The following FSTL5 variants were observed in gnomAD, a reference collection of about 807,000 sequenced individuals.
FSTL5 encodes the protein follistatin like 5.
FSTL5 carries 62 observed loss-of-function variants against 89.1 expected under a neutral mutation model. That is an observed-to-expected ratio of 0.70 (90% CI 0.57 to 0.86). The LOEUF is 0.86. FSTL5 is among the 40% of genes least tolerant of loss of function. FSTL5 has a pLI of 0.00. For synonymous variants in FSTL5, 383 were observed against 346.2 expected, an observed-to-expected ratio of 1.11 and a Z score of -1.18; for missense variants, 1,057 against 1,001.6, an observed-to-expected ratio of 1.06 and a Z score of -0.75.
At chr4:161,536,153 G>C (rs991017907) in intron 10 of FSTL5, among the ~76,000 whole-genome samples, 4 of 152,026 alleles carry the variant, frequency 2.6e-5, no homozygotes, top group Non-Finnish European at 5.9e-5. Context: ...TCACTACCTG[G>C]ATGATGTGAT....
rs971334667 is a variant in FSTL5, at chr4:161,666,676, A to G, written c.728-10182T>C. ...AGAGAAGAAAAGAGAAGACCCCTAT[A>G]TGGGGAGAGAACAGTATGATAACAA... On this transcript the variant is annotated intron_variant, in intron 6 of 15. Transcript: ENST00000306100. 9.3e-4 allele frequency among the ~76,000 whole-genome samples: 142 copies of G among 152,216 alleles called. 1 individual carries two copies. Among genetic ancestry groups the G allele is most frequent in the African/African-American group, 3.3e-3 (136 of 41,566 alleles).
At chr4:162,081,261 A>C (rs565490428) in intron 2 of FSTL5, among the ~76,000 whole-genome samples, 1 of 151,802 alleles carries the variant, frequency 6.6e-6, no homozygotes, top group African/African-American at 2.4e-5. Context: ...AGTCCTCATT[A>C]GAATTGATCA....
chr4:161,560,018 T>C (rs1732535572), intron 8 of FSTL5, among the ~76,000 whole-genome samples: 1 of 150,760 alleles, frequency 6.6e-6, no homozygotes. Flanking sequence ...ATTTGTAAAC[T>C]TTCTTAAAAC....
chr4:161,759,490 ACAAT>A lies in FSTL5; in HGVS notation c.644_647del (p.Asp215ValfsTer7). On this transcript the variant is annotated frameshift_variant, in exon 6 of 16. Coordinates refer to ENST00000306100, the MANE Select transcript of FSTL5 (RefSeq NM_020116.5). LOFTEE classifies it high-confidence loss of function. Reference sequence around the variant, plus strand: ...CATATTTCAATAGAACATACAAAGTACAATCAAAGAGATCCTTGCCAAGTTCTTC... The same window carrying A: ...CATATTTCAATAGAACATACAAAGTACAAAGAGATCCTTGCCAAGTTCTTC... 2 of 1,586,180 alleles carry A rather than the reference ACAAT, an allele frequency of 1.3e-6. No homozygotes were observed. Among genetic ancestry groups the A allele is most frequent in the Non-Finnish European group, 1.7e-6 (2 of 1,165,576 alleles).
chr4:162,014,916 C>T (rs1393909192), intron 3 of FSTL5, among the ~76,000 whole-genome samples: 1 of 151,998 alleles, frequency 6.6e-6, no homozygotes, highest in Non-Finnish European at 1.5e-5. Context: ...TCCATTATTG[C>T]ATTAAAAACA....
chr4:161,922,929 T>G (rs1734030500), intron 3 of FSTL5, among the ~76,000 whole-genome samples: 2 of 152,056 alleles, frequency 1.3e-5, no homozygotes, highest in South Asian at 4.1e-4. Context: ...AGGAGTCCAT[T>G]AGTTTGAAGG....
At chr4:162,052,791 T>G (rs979821113) in intron 2 of FSTL5, among the ~76,000 whole-genome samples, 2 of 151,874 alleles carry the variant, frequency 1.3e-5, no homozygotes, top group African/African-American at 4.8e-5. Flanking sequence ...GTGAGTACAC[T>G]TAAAATCTAC....
intron 1 of FSTL5, among the ~76,000 whole-genome samples, chr4:162,152,120 G>A (rs947387197): frequency 1.1e-4 from 17 of 152,110 alleles, no homozygotes; most frequent in Non-Finnish European, 2.2e-4. Context: ...AAAGCCCTTC[G>A]ACTTTCTCAG....
At chr4:161,535,966 G>A (rs187529901) in intron 10 of FSTL5, among the ~76,000 whole-genome samples, 22 of 152,114 alleles carry the variant, frequency 1.4e-4, no homozygotes, top group African/African-American at 3.1e-4. Flanking sequence ...GGCCATTATC[G>A]TAAGTGAATT....
chr4:161,709,921 T>C (rs1738720118), intron 6 of FSTL5, among the ~76,000 whole-genome samples: 1 of 152,174 alleles, frequency 6.6e-6, no homozygotes, highest in African/African-American at 2.4e-5. Flanking sequence ...GTGGCAGTAA[T>C]AGCAAAGACC....
intron 3 of FSTL5, among the ~76,000 whole-genome samples, chr4:161,978,601 A>T (rs548655670): frequency 2.6e-5 from 4 of 152,136 alleles, no homozygotes; most frequent in African/African-American, 7.2e-5. Context: ...AAGAATAACG[A>T]TGGTCTTCTA....
At chr4:162,154,185 G>C (rs183823564) in intron 1 of FSTL5, among the ~76,000 whole-genome samples, 343 of 148,832 alleles carry the variant, frequency 2.3e-3, no homozygotes, top group Non-Finnish European at 4.1e-3. Context: ...CTTTTAGTTA[G>C]TTATCTTTAT....
chr4:161,718,668 C>T (rs1204449309), intron 6 of FSTL5, among the ~76,000 whole-genome samples: 1 of 151,958 alleles, frequency 6.6e-6, no homozygotes, highest in East Asian at 1.9e-4. Flanking sequence ...GACCTCGTGG[C>T]CCACCCACCT....
chr4:162,032,559 T>A (rs970127525), intron 3 of FSTL5: 1 of 152,162 alleles, frequency 6.6e-6, no homozygotes, highest in Non-Finnish European at 1.5e-5. Context: ...CGCAAATGCA[T>A]GTGTTTTTTA....
chr4:161,461,149 A>G (rs1216399617), intron 13 of FSTL5, among the ~76,000 whole-genome samples: 2 of 151,892 alleles, frequency 1.3e-5, no homozygotes, highest in Non-Finnish European at 2.9e-5. Context: ...TTTTGAGGCC[A>G]TGAAGCTATT....
chr4:162,161,905 G>C (rs1015694781), intron 1 of FSTL5, among the ~76,000 whole-genome samples: 1 of 151,994 alleles, frequency 6.6e-6, no homozygotes, highest in Non-Finnish European at 1.5e-5. Context: ...ATGATTCTCT[G>C]TGTATTTAAA....
intron 1 of FSTL5, among the ~76,000 whole-genome samples, chr4:162,115,100 C>A (rs146529764): frequency 1.5e-3 from 223 of 152,164 alleles, no homozygotes; most frequent in African/African-American, 4.2e-3. Context: ...TTGAGCTCAG[C>A]AGTGCAGAGG....
At chr4:161,929,310 GT>G (rs1366688337) in intron 3 of FSTL5, among the ~76,000 whole-genome samples, 2 of 149,154 alleles carry the variant, frequency 1.3e-5, no homozygotes, top group Admixed American at 6.7e-5. Flanking sequence ...CCTCTACTCT[GT>G]TCCATCACTC....
chr4:161,519,109 C>T (rs1277225514), intron 10 of FSTL5, among the ~76,000 whole-genome samples: 1 of 152,168 alleles, frequency 6.6e-6, no homozygotes, highest in African/African-American at 2.4e-5. Context: ...GACCTGGCAT[C>T]GGAAGACACT....
Sources: allele counts gnomAD v4.1 joint callset (sites outside exome capture counted in the v4.1 genomes callset), GRCh38; gene constraint gnomAD v4.1.1; transcripts MANE v1.5; gene names NCBI Gene and HGNC (gene_info 2026-07-23, HGNC 2026-07-21).